The following MTMR11 variants were observed in gnomAD, a reference collection of about 807,000 sequenced individuals.
The protein encoded by MTMR11 is myotubularin related protein 11.
Under a neutral mutation model 100.0 loss-of-function variants are expected in MTMR11, and 89 were observed. The ratio of observed to expected loss-of-function variants is 0.89; its 90% confidence interval spans 0.75 to 1.06. The LOEUF is 1.06. MTMR11 is among the 50% of genes least tolerant of loss of function. The pLI is 0.00. For synonymous variants in MTMR11, 336 were observed against 326.3 expected, an observed-to-expected ratio of 1.03 and a Z score of -0.32; for missense variants, 809 against 873.7, an observed-to-expected ratio of 0.93 and a Z score of 0.93.
chr1:149,933,359 A>C (rs1350779659), intron 10 of MTMR11, 47 bp downstream of exon 10: 1 of 1,605,222 alleles, frequency 6.2e-7, no homozygotes, highest in Non-Finnish European at 8.5e-7. Flanking sequence ...TAGGCTCAGC[A>C]GACCTAGGGG....
intron 13 of MTMR11, 124 bp from the exon 14 acceptor site, chr1:149,931,089 T>G: frequency 7.4e-7 from 1 of 1,344,388 alleles, no homozygotes. Context: ...AATGAAAATC[T>G]GAATTGAGGG....
intron 10 of MTMR11, among the ~76,000 whole-genome samples, chr1:149,932,760 G>A (rs948628401): frequency 2.0e-5 from 3 of 151,942 alleles, no homozygotes; most frequent in Admixed American, 6.5e-5. Context: ...AGTCTAACAC[G>A]GGGAACATGG....
In MTMR11 at chr1:149,929,784, G is replaced by C. The variant is rs139642077; in HGVS notation, c.1780C>G (p.Arg594Gly). 135 of 1,614,096 alleles carry C rather than the reference G, an allele frequency of 8.4e-5. No homozygotes were observed. The highest frequency in any genetic ancestry group is 5.8e-4 in the Admixed American group (35 of 60,006). The change falls in exon 16 of 17, where the codon CGA (arginine) becomes GGA (glycine). Residue 594 changes from arginine (R) to glycine (G), a missense_variant. By Grantham distance (125) the Arg-to-Gly change is moderately radical. Transcript: ENST00000439741. ...AGGCTTTCAGAGGAGATAGCAGGTC[G>C]AGGGAGCCAACGAGAAGAGACTGCC... ...LLAVSSRWLPRPAISSESLAD... is the reference protein window; with the variant it reads ...LLAVSSRWLPGPAISSESLAD...
chr1:149,935,144 A>G lies in MTMR11; in HGVS notation c.326-16T>C, dbSNP rs782370057. On this transcript the variant is annotated splice_polypyrimidine_tract_variant and intron_variant, in intron 4 of 16. Transcript: ENST00000439741. ...AAGCCGCTCACTGAAGTCAAGAGGTACAGAACAGTGTAACCATGGACCAGA... is the reference window on the plus strand; with the variant it reads ...AAGCCGCTCACTGAAGTCAAGAGGTGCAGAACAGTGTAACCATGGACCAGA... The G allele has an allele frequency of 3.7e-6, 6 of 1,613,924 alleles. No homozygotes were observed. Among genetic ancestry groups the G allele is most frequent in the Non-Finnish European group, 2.5e-6 (3 of 1,179,960 alleles).
At chr1:149,934,860 T>C (rs2101674032) in intron 5 of MTMR11, 126 bp downstream of exon 5, 1 of 1,227,278 alleles carries the variant, frequency 8.1e-7, no homozygotes, top group Non-Finnish European at 1.1e-6. Flanking sequence ...CCTTTTAGCC[T>C]TTCCTTGAGA....
chr1:149,933,967 G>T (rs1553768345), intron 7 of MTMR11, 25 bp from the exon 8 acceptor site: 2 of 1,599,370 alleles, frequency 1.3e-6, no homozygotes, highest in South Asian at 2.2e-5. Context: ...TGATATTACA[G>T]TTTGGCTCAG....
At chr1:149,930,595 C>A (rs782591828) in intron 14 of MTMR11, 48 bp from the exon 15 acceptor site, 35 of 1,499,886 alleles carry the variant, frequency 2.3e-5, no homozygotes, top group Non-Finnish European at 3.0e-5. Context: ...AATCCTCCCA[C>A]ATCTAGAGAC....
chr1:149,935,860 T>G (rs78000280), intron 2 of MTMR11, among the ~76,000 whole-genome samples, 155 bp from the exon 3 acceptor site: 3,370 of 152,274 alleles, frequency 0.022, 124 homozygotes, highest in African/African-American at 0.076. Context: ...AAGATAAATG[T>G]TTTTTAATTT....
chr1:149,935,013 A>C lies in MTMR11; in HGVS notation c.441T>G (p.Ala147=). 6.2e-7 allele frequency: 1 copy of C among 1,614,056 alleles called. No homozygotes were observed. Residue 147 remains alanine, a synonymous_variant, in exon 5 of 17, where the codon GCT becomes GCG. Coordinates refer to ENST00000439741, the MANE Select transcript of MTMR11 (RefSeq NM_001145862.2). ...DFRLLRVGFE[A]GGLEPQAFQV... is the part of the protein sequence containing the mutation. ...GAAAAGCCTGAGGCTCTAGGCCTCC[A>C]GCCTCAAAACCAACTCTGAGCAGCC...
In MTMR11 at chr1:149,929,082, A is replaced by G. The variant is rs782149582; in HGVS notation, c.*47T>C. 2 of 1,565,986 alleles carry G rather than the reference A, an allele frequency of 1.3e-6. No individual in the cohort carries two copies. Among genetic ancestry groups the G allele is most frequent in the Non-Finnish European group, 1.7e-6 (2 of 1,159,598 alleles). On this transcript the variant is annotated 3_prime_UTR_variant, in exon 17 of 17. Transcript: ENST00000439741. ...GCTGAAGTGTGAAAGCTGAGGCTGC[A>G]AGTGCAGATACAAAAAAAAAAAAAA...
At position 149,933,336 on chromosome 1, in the gene MTMR11, G is replaced by A. The variant is rs2092684317; in HGVS notation, c.985+70C>T. ...GAGCTACTCATCTACAGCAAGCAAA[G>A]GGTAAACCAGGTTAGGCTCAGCAGA... is the stretch of plus-strand genomic sequence containing the variant. On this transcript the variant is annotated intron_variant, in intron 10 of 16. Coordinates refer to ENST00000439741, the MANE Select transcript of MTMR11 (RefSeq NM_001145862.2). 12 of 1,583,430 alleles carry A rather than the reference G, an allele frequency of 7.6e-6. No individual in the cohort carries two copies. The South Asian group carries it at 1.0e-4, about 13-fold the overall frequency.
At position 149,936,651 on chromosome 1, in the gene MTMR11, T is replaced by C; in HGVS notation, c.-4A>G. On this transcript the variant is annotated 5_prime_UTR_variant, in exon 1 of 17. Transcript: ENST00000439741. The stretch of plus-strand genomic sequence containing the variant: ...GGCCCCGGCCCCCCCACCACATTTC[T>C]CTGGCTCCATCCGGGGACACAGCAG... The C allele has an allele frequency of 2.0e-6, 3 of 1,535,702 alleles. No homozygotes were observed. The highest frequency in any genetic ancestry group is 2.6e-6 in the Non-Finnish European group (3 of 1,132,888).
intron 12 of MTMR11, 89 bp downstream of exon 12, chr1:149,931,854 GC>G: frequency 8.6e-7 from 1 of 1,161,148 alleles, no homozygotes; most frequent in Non-Finnish European, 1.3e-6. Context: ...AGAGGAAGAA[GC>G]CTTATGGGTC....
chr1:149,935,535 C>G, intron 3 of MTMR11, 49 bp downstream of exon 3: 1 of 1,606,550 alleles, frequency 6.2e-7, no homozygotes, highest in Non-Finnish European at 8.5e-7. Flanking sequence ...GCTAGACTCC[C>G]CTACCCATTT....
In MTMR11 at chr1:149,933,307, T is replaced by C. The variant is rs1474551391; in HGVS notation, c.985+99A>G. On this transcript the variant is annotated intron_variant, in intron 10 of 16. Coordinates refer to ENST00000439741, the MANE Select transcript of MTMR11 (RefSeq NM_001145862.2). Reference sequence around the variant, plus strand: ...AGAAAAGAAAACGGGCTCATTGGACTAAAGAGCTACTCATCTACAGCAAGC... The same window carrying C: ...AGAAAAGAAAACGGGCTCATTGGACCAAAGAGCTACTCATCTACAGCAAGC... 7 of 1,464,310 alleles carry C rather than the reference T, an allele frequency of 4.8e-6. No individual in the cohort carries two copies. In the African/African-American group the frequency reaches 9.9e-5, roughly 21 times the overall value. 90.7% of individuals were successfully genotyped at this position (1,464,310 alleles called of 1,614,324 possible). A position where few individuals can be genotyped will look rare whatever the true frequency, so the allele number is the denominator to read the frequency against.
intron 9 of MTMR11, 28 bp from the exon 10 acceptor site, chr1:149,933,558 G>A (rs1394773385): frequency 6.2e-7 from 1 of 1,613,950 alleles, no homozygotes; most frequent in African/African-American, 1.3e-5. Flanking sequence ...AGGAAATAAG[G>A]AGTCTACCCT....
At position 149,935,081 on chromosome 1, in the gene MTMR11, T is replaced by C. The variant is rs782785697; in HGVS notation, c.373A>G (p.Lys125Glu). The change falls in exon 5 of 17, where the codon AAA becomes GAA. Residue 125 changes from lysine to glutamate, a missense_variant. By Grantham distance (56) the Lys-to-Glu change is moderately conservative. Coordinates refer to ENST00000439741, the MANE Select transcript of MTMR11 (RefSeq NM_001145862.2). ...VQLLRPGSLH[K>E]FIPEEILIHG... ...ATCAGAATCTCCTCAGGGATAAATT[T>C]ATGCAGGGACCCTGGACGGAGGAGC... 6.2e-7 allele frequency: 1 copy of C among 1,614,162 alleles called. No individual in the cohort carries two copies. The highest frequency in any genetic ancestry group is 1.1e-5 in the South Asian group (1 of 91,080).
Position 149,934,219 on chromosome 1 carries a change from C to T in MTMR11, c.655G>A (p.Val219Ile). 6.2e-7 allele frequency: 1 copy of T among 1,614,120 alleles called. No individual in the cohort carries two copies. The highest frequency in any genetic ancestry group is 8.5e-7 in the Non-Finnish European group (1 of 1,180,028). ...GTGGCTACGTCGAACCTCTCGTTGA[C>T]CGTGCTGACCCTCCAGCCTCTGGCT... is the stretch of plus-strand genomic sequence containing the variant. ...QAARGWRVST[V>I]NERFDVATSL... Residue 219 changes from valine to isoleucine, a missense_variant, in exon 7 of 17, where the codon GTC becomes ATC. Transcript: ENST00000439741.
rs373673549 is a variant in MTMR11 at position 149,934,977 on chromosome 1, G to T, written c.468+9C>A. 1.9e-5 allele frequency: 31 copies of T among 1,613,068 alleles called. No homozygotes were observed. The African/African-American group carries it at 2.1e-4, about 11-fold the overall frequency. On this transcript the variant is annotated intron_variant, in intron 5 of 16. Transcript: ENST00000439741. ...GTGAGGAGAAAGCCTCAGGTTAGGG[G>T]CCTCTTACCTGAAAAGCCTGAGGCT...
Sources: gnomAD v4.1 joint callset for allele counts (sites outside exome capture counted in the v4.1 genomes callset) on GRCh38, gnomAD v4.1.1 for gene constraint, MANE v1.5 for transcripts, NCBI Gene and HGNC (gene_info 2026-07-23, HGNC 2026-07-21) for gene names.